Variants in CSMD1 observed in about 807,000 individuals in gnomAD.
The protein encoded by CSMD1 is CUB and Sushi multiple domains 1.
CSMD1 carries 213 observed loss-of-function variants against 417.5 expected under a neutral mutation model. That is an observed-to-expected ratio of 0.51 (90% CI 0.46 to 0.57). The LOEUF is 0.57. Among genes scored for constraint, CSMD1 ranks in the 20% least tolerant of loss-of-function variants. The probability of loss-of-function intolerance (pLI) is 0.00; values close to 1 mark genes in which losing one functional copy is unlikely to be tolerated. For missense variants in CSMD1, 6,923 were observed against 4,529.7 expected (o/e 1.53, Z -15.17); for synonymous variants, 2,862 against 1,736.8 (o/e 1.65, Z -16.11).
chr8:3,387,743 G>C, intron 17 of CSMD1, 61 bp from the exon 18 acceptor site: 1 of 1,339,628 alleles, frequency 7.5e-7, no homozygotes, highest in Non-Finnish European at 1.0e-6. Flanking sequence ...AAATAATAGA[G>C]ACCCACGCCA....
chr8:3,912,395 G>C (rs890187545), intron 5 of CSMD1, among the ~76,000 whole-genome samples: 14 of 152,172 alleles, frequency 9.2e-5, no homozygotes, highest in Admixed American at 7.2e-4. Context: ...TAGCCAATTT[G>C]GGTGCAGGGA....
intron 1 of CSMD1, among the ~76,000 whole-genome samples, chr8:4,652,001 A>G (rs1184105183): frequency 6.6e-6 from 1 of 152,228 alleles, no homozygotes; most frequent in African/African-American, 2.4e-5. Flanking sequence ...AGACTCAATT[A>G]GAAAAATGTC....
intron 25 of CSMD1, among the ~76,000 whole-genome samples, chr8:3,298,226 G>A (rs760190786): frequency 2.6e-5 from 4 of 152,084 alleles, no homozygotes; most frequent in Non-Finnish European, 4.4e-5. Context: ...GCAATTCCTG[G>A]CCTCAGTGTA....
At chr8:3,775,601 A>G (rs896493139) in intron 5 of CSMD1, among the ~76,000 whole-genome samples, 1 of 152,168 alleles carries the variant, frequency 6.6e-6, no homozygotes, top group Middle Eastern at 3.2e-3. Context: ...TCTTGTCAGT[A>G]AAGTTCGTAA....
intron 3 of CSMD1, among the ~76,000 whole-genome samples, chr8:4,262,784 AAGTATGTTCCACCAGATACCC>A (rs1803977608): frequency 6.6e-6 from 1 of 152,198 alleles, no homozygotes; most frequent in Non-Finnish European, 1.5e-5. Context: ...GAGAGGAAGG[AAGTATGTTCCACCAGATACCC>A]AGAGACAATG....
intron 10 of CSMD1, among the ~76,000 whole-genome samples, chr8:3,498,361 T>C (rs1431801954): frequency 1.3e-5 from 2 of 152,236 alleles, no homozygotes; most frequent in African/African-American, 4.8e-5. Flanking sequence ...AACTGTGATA[T>C]CCATCACCTC....
rs531426406 is a variant in CSMD1 at position 4,727,077 on chromosome 8, T to G, written c.86-89519A>C. ...AGAAACTGAGATTGATGTCAGGGCT[T>G]TCTACCGGCTGAGTAGGGTGAGGAA... On this transcript the variant is annotated intron_variant, in intron 1 of 69. Transcript: ENST00000635120. 1.8e-4 allele frequency among the ~76,000 whole-genome samples: 27 copies of G among 152,216 alleles called. No individual in the cohort carries two copies. In the South Asian group the frequency reaches 2.7e-3, roughly 15 times the overall value.
chr8:3,268,669 G>A (rs77516722), intron 26 of CSMD1, among the ~76,000 whole-genome samples: 1 of 152,154 alleles, frequency 6.6e-6, no homozygotes, highest in Non-Finnish European at 1.5e-5. Context: ...CGAATAACAT[G>A]TTTTTAAAGA....
intron 3 of CSMD1, among the ~76,000 whole-genome samples, chr8:4,196,546 G>C (rs906073079): frequency 1.3e-5 from 2 of 152,114 alleles, no homozygotes; most frequent in African/African-American, 2.4e-5. Flanking sequence ...TGTAAACTGT[G>C]AGTCATTCAT....
intron 11 of CSMD1, among the ~76,000 whole-genome samples, chr8:3,482,255 A>C (rs1038705317): frequency 6.6e-6 from 1 of 152,186 alleles, no homozygotes; most frequent in Admixed American, 6.5e-5. Context: ...GTATTAAAAA[A>C]TTACCCAAAT....
intron 2 of CSMD1, among the ~76,000 whole-genome samples, chr8:4,495,978 T>C (rs1216213836): frequency 2.6e-5 from 4 of 152,176 alleles, no homozygotes; most frequent in Non-Finnish European, 4.4e-5. Flanking sequence ...GTGCAAATAG[T>C]CTGGCCTTCA....
chr8:4,667,018 A>T lies in CSMD1; in HGVS notation c.86-29460T>A, dbSNP rs144386170. Among the ~76,000 whole-genome samples, 1,170 of 152,222 alleles carry T rather than the reference A, an allele frequency of 7.7e-3. 14 individuals are homozygous for T. The highest frequency in any genetic ancestry group is 0.026 in the African/African-American group (1,060 of 41,532). ...TAAGAATATCAATCATTTTGAGTTAACTTTTGTGTATAATGTGAGATATAA... is the reference window on the plus strand; with the variant it reads ...TAAGAATATCAATCATTTTGAGTTATCTTTTGTGTATAATGTGAGATATAA... On this transcript the variant is annotated intron_variant, in intron 1 of 69. Transcript: ENST00000635120.
chr8:3,486,468 A>C (rs905669587), intron 11 of CSMD1, among the ~76,000 whole-genome samples: 1 of 152,184 alleles, frequency 6.6e-6, no homozygotes, highest in African/African-American at 2.4e-5. Context: ...CTTTTGACTG[A>C]TGAATTCTGG....
intron 13 of CSMD1, 118 bp downstream of exon 13, chr8:3,409,305 C>G: frequency 1.1e-6 from 1 of 909,548 alleles, no homozygotes. Context: ...AAATGTGGCA[C>G]CCCGAGCCAT....
At chr8:3,013,804 C>A (rs1808606106) in intron 52 of CSMD1, among the ~76,000 whole-genome samples, 1 of 151,784 alleles carries the variant, frequency 6.6e-6, no homozygotes, top group South Asian at 2.1e-4. Context: ...CCAGATCCAT[C>A]ACCACAAATG....
At chr8:4,884,951 C>T (rs1245891936) in intron 1 of CSMD1, among the ~76,000 whole-genome samples, 2 of 152,058 alleles carry the variant, frequency 1.3e-5, no homozygotes, top group Admixed American at 6.5e-5. Flanking sequence ...ATTGCTGTAG[C>T]AATATGAAAT....
chr8:4,246,331 C>T (rs976931580), intron 3 of CSMD1, among the ~76,000 whole-genome samples: 37 of 152,112 alleles, frequency 2.4e-4, no homozygotes, highest in African/African-American at 8.2e-4. Flanking sequence ...CCTCCATCCA[C>T]GTCCTTGCAA....
intron 26 of CSMD1, among the ~76,000 whole-genome samples, chr8:3,266,003 T>C (rs893589621): frequency 6.6e-6 from 1 of 151,972 alleles, no homozygotes; most frequent in Non-Finnish European, 1.5e-5. Context: ...ACTTATCTAA[T>C]TGGCATCTTA....
At chr8:3,683,528 G>A (rs1004891958) in intron 7 of CSMD1, among the ~76,000 whole-genome samples, 1 of 152,146 alleles carries the variant, frequency 6.6e-6, no homozygotes, top group Non-Finnish European at 1.5e-5. Context: ...AGGTATTTCT[G>A]CACTGTGCCA....
Sources: allele counts gnomAD v4.1 joint callset (sites outside exome capture counted in the v4.1 genomes callset), GRCh38; gene constraint gnomAD v4.1.1; transcripts MANE v1.5; gene names NCBI Gene and HGNC (gene_info 2026-07-23, HGNC 2026-07-21).